CEPT1: variants seen among roughly 807,000 people sequenced by gnomAD.
The protein encoded by CEPT1 is choline/ethanolamine phosphotransferase 1.
CEPT1 carries 7 observed loss-of-function variants against 42.6 expected under a neutral mutation model. The ratio of observed to expected loss-of-function variants is 0.16; its 90% CI spans 0.09 to 0.31. CEPT1 has a LOEUF of 0.31. Ranked by LOEUF, CEPT1 falls within the 10% of genes least tolerant of loss-of-function variation. The pLI is 1.00. For missense variants in CEPT1, 306 were observed against 502.1 expected (o/e 0.61, Z 3.73); for synonymous variants, 171 against 171.9 (o/e 0.99, Z 0.04).
At chr1:111,149,026 C>T (rs1655123757) in intron 2 of CEPT1, among the ~76,000 whole-genome samples, 3 of 152,028 alleles carry the variant, frequency 2.0e-5, no homozygotes, top group Admixed American at 1.3e-4. Context: ...GATTATTTGT[C>T]CTTTGAGATA....
At chr1:111,144,028 A>G (rs1024761985) in intron 1 of CEPT1, among the ~76,000 whole-genome samples, 1 of 152,146 alleles carries the variant, frequency 6.6e-6, no homozygotes, top group African/African-American at 2.4e-5. Context: ...ACTGTTCCCA[A>G]CATAGAATAA....
At chr1:111,141,652 C>T (rs1654583990) in intron 1 of CEPT1, among the ~76,000 whole-genome samples, 2 of 151,986 alleles carry the variant, frequency 1.3e-5, no homozygotes, top group Admixed American at 1.3e-4. Flanking sequence ...TTAAGGAGTG[C>T]AATATTTCAC....
chr1:111,164,079 T>C (rs936464447), intron 4 of CEPT1, among the ~76,000 whole-genome samples: 9 of 152,226 alleles, frequency 5.9e-5, no homozygotes, highest in Admixed American at 3.9e-4. Flanking sequence ...GAATTTTTTG[T>C]TCCTTAGCCT....
At chr1:111,177,404 T>C (rs1656736531) in intron 5 of CEPT1, among the ~76,000 whole-genome samples, 1 of 152,004 alleles carries the variant, frequency 6.6e-6, no homozygotes, top group African/African-American at 2.4e-5. Context: ...TGGCATCACA[T>C]TGGCACTCAA....
chr1:111,162,693 A>G (rs1160968065), intron 4 of CEPT1, among the ~76,000 whole-genome samples: 1 of 152,238 alleles, frequency 6.6e-6, no homozygotes, highest in Non-Finnish European at 1.5e-5. Flanking sequence ...ACAAAAGAAC[A>G]TTGCTAAATC....
chr1:111,167,021 C>CT, intron 4 of CEPT1: 1 of 528,204 alleles, frequency 1.9e-6, no homozygotes, highest in Non-Finnish European at 2.4e-6. Context: ...CTTTTTAAAT[C>CT]TATTTTTGTT....
At chr1:111,182,724 A>T in intron 6 of CEPT1, 75 bp from the exon 7 acceptor site, 1 of 1,353,944 alleles carries the variant, frequency 7.4e-7, no homozygotes, top group South Asian at 1.5e-5. Context: ...TTGAACTGTG[A>T]ACTGTTCTGC....
Position 111,147,706 on chromosome 1 carries a change from A to G in CEPT1, c.-9A>G, listed in dbSNP as rs753656356. 1.3e-6 allele frequency: 2 copies of G among 1,572,218 alleles called. No homozygotes were observed. On this transcript the variant is annotated 5_prime_UTR_variant, in exon 2 of 9. Transcript: ENST00000357172. ...TACTGTCTTTAAATATTAAAAAAAAACAAGATCCATGAGTGGGCATCGATC... is the reference window on the plus strand; with the variant it reads ...TACTGTCTTTAAATATTAAAAAAAAGCAAGATCCATGAGTGGGCATCGATC...
intron 4 of CEPT1, among the ~76,000 whole-genome samples, chr1:111,166,874 T>C (rs905934646): frequency 6.6e-6 from 1 of 152,208 alleles, no homozygotes; most frequent in Non-Finnish European, 1.5e-5. Context: ...AAGTCATTTT[T>C]TCAGTATATT....
At chr1:111,179,000 A>T (rs1484622135) in intron 5 of CEPT1, 1 of 152,226 alleles carries the variant, frequency 6.6e-6, no homozygotes, top group Non-Finnish European at 1.5e-5. Flanking sequence ...TGATTTACAA[A>T]CAGGCATTCC....
Position 111,146,425 on chromosome 1 carries a change from C to T in CEPT1, c.-73-1217C>T, listed in dbSNP as rs185976610. ...CCAACTTGCCCTTTTGACAACAGTACCAGTAATCTCTAGCTGTTGACTCTT... is the reference window on the plus strand; with the variant it reads ...CCAACTTGCCCTTTTGACAACAGTATCAGTAATCTCTAGCTGTTGACTCTT... On this transcript the variant is annotated intron_variant, in intron 1 of 8. Transcript: ENST00000357172. 1.4e-3 allele frequency among the ~76,000 whole-genome samples: 213 copies of T among 152,192 alleles called. 2 individuals are homozygous for T. The highest frequency in any genetic ancestry group is 5.8e-4 in the East Asian group (3 of 5,192).
At chr1:111,159,257 T>C (rs990927390) in intron 2 of CEPT1, 123 bp from the exon 3 acceptor site, 2 of 867,900 alleles carry the variant, frequency 2.3e-6, no homozygotes, top group African/African-American at 3.5e-5. Context: ...CTTCATTATG[T>C]AGCACTTGGA....
chr1:111,156,194 AT>A (rs1194388102), intron 2 of CEPT1, among the ~76,000 whole-genome samples: 1 of 152,046 alleles, frequency 6.6e-6, no homozygotes, highest in Non-Finnish European at 1.5e-5. Flanking sequence ...ATTTTCATGT[AT>A]TTGTACAGTT....
At chr1:111,141,214 G>C (rs1336569013) in intron 1 of CEPT1, among the ~76,000 whole-genome samples, 2 of 152,152 alleles carry the variant, frequency 1.3e-5, no homozygotes, top group African/African-American at 4.8e-5. Context: ...CGTAGATGTT[G>C]AGTTGAACGA....
At chr1:111,164,890 T>G (rs1048402097) in intron 4 of CEPT1, among the ~76,000 whole-genome samples, 28 of 151,802 alleles carry the variant, frequency 1.8e-4, no homozygotes, top group African/African-American at 6.5e-4. Context: ...CCCAAAGTGC[T>G]GGGATTAGGT....
At chr1:111,148,391 A>G (rs1227045132) in intron 2 of CEPT1, among the ~76,000 whole-genome samples, 1 of 151,322 alleles carries the variant, frequency 6.6e-6, no homozygotes, top group Non-Finnish European at 1.5e-5. Context: ...AAAAAAAAAC[A>G]GTGAGAAAAC....
chr1:111,148,053 G>A lies in CEPT1; in HGVS notation c.339G>A (p.Gln113=), dbSNP rs769880833. Residue 113 remains glutamine, a splice_region_variant and synonymous_variant, in exon 2 of 9, where the codon CAG becomes CAA. Coordinates refer to ENST00000357172, the MANE Select transcript of CEPT1 (RefSeq NM_006090.5). ...TCTACTGCCCTACAGCTACAGAGCAGGTAAGAGTTTCTTAACAGATCTCAA... is the reference window on the plus strand; with the variant it reads ...TCTACTGCCCTACAGCTACAGAGCAAGTAAGAGTTTCTTAACAGATCTCAA... ...LVFYCPTATE[Q]APLWAYIACA... is the part of the protein sequence containing the mutation. 15 of 1,610,286 alleles carry A rather than the reference G, an allele frequency of 9.3e-6. No homozygotes were observed. Among genetic ancestry groups the A allele is most frequent in the African/African-American group, 1.3e-5 (1 of 74,888 alleles).
intron 2 of CEPT1, among the ~76,000 whole-genome samples, chr1:111,150,384 C>T (rs528151328): frequency 6.6e-6 from 1 of 152,286 alleles, no homozygotes; most frequent in South Asian, 2.1e-4. Context: ...ATCTATTCTT[C>T]CACAGCCCCC....
intron 2 of CEPT1, 69 bp downstream of exon 2, chr1:111,148,122 C>G: frequency 8.8e-7 from 1 of 1,140,206 alleles, no homozygotes; most frequent in Non-Finnish European, 1.3e-6. Flanking sequence ...ATCGTGGGGT[C>G]ATTTTAACTA....
Sources: gnomAD v4.1 joint callset for allele counts (sites outside exome capture counted in the v4.1 genomes callset) on GRCh38, gnomAD v4.1.1 for gene constraint, MANE v1.5 for transcripts, NCBI Gene and HGNC (gene_info 2026-07-23, HGNC 2026-07-21) for gene names.